PDPR: variants seen among roughly 807,000 people sequenced by gnomAD.
PDPR encodes the protein pyruvate dehydrogenase phosphatase regulatory subunit, also known as pyruvate dehydrogenase phosphatase regulatory subunit, mitochondrial.
Under a neutral mutation model 102.2 loss-of-function variants are expected in PDPR, and 50 were observed. That is an observed-to-expected ratio of 0.49 (90% CI 0.39 to 0.62). The LOEUF is 0.62. PDPR is among the 20% of genes least tolerant of loss of function. The pLI is 0.00. For missense variants in PDPR, 625 were observed against 1,098.2 expected, an observed-to-expected ratio of 0.57 and a Z score of 6.09; for synonymous variants, 259 against 406.0, an observed-to-expected ratio of 0.64 and a Z score of 4.35.
intron 2 of PDPR, among the ~76,000 whole-genome samples, chr16:70,118,112 C>G (rs1323492090): frequency 6.7e-6 from 1 of 149,902 alleles, no homozygotes; most frequent in African/African-American, 2.5e-5. Flanking sequence ...AAAAAAATTG[C>G]TGAGGAAAAG....
chr16:70,120,744 C>T, intron 3 of PDPR, 25 bp downstream of exon 3: 3 of 1,447,292 alleles, frequency 2.1e-6, no homozygotes, highest in Non-Finnish European at 2.9e-6. Flanking sequence ...GCATTTGGCT[C>T]ATGGCTGTGC....
At chr16:70,128,564 G>A (rs1964215915) in intron 4 of PDPR, among the ~76,000 whole-genome samples, 2 of 152,270 alleles carry the variant, frequency 1.3e-5, no homozygotes, top group African/African-American at 4.8e-5. Flanking sequence ...TCACAAAACT[G>A]TGAGCTGAGA....
At chr16:70,117,831 G>A (rs887279897) in intron 2 of PDPR, among the ~76,000 whole-genome samples, 13 of 152,054 alleles carry the variant, frequency 8.5e-5, no homozygotes, top group Non-Finnish European at 1.3e-4. Context: ...GGTGGTTCAC[G>A]CCTATAATCC....
chr16:70,115,599 C>T (rs549973445), intron 2 of PDPR, among the ~76,000 whole-genome samples: 1 of 152,294 alleles, frequency 6.6e-6, no homozygotes, highest in African/African-American at 2.4e-5. Flanking sequence ...TGTGTGAACC[C>T]ACGCTCATCC....
chr16:70,119,912 G>GTTTTTTTTTTT (rs1963046566), intron 2 of PDPR, among the ~76,000 whole-genome samples: 1 of 74,596 alleles, frequency 1.3e-5, no homozygotes, highest in Admixed American at 1.1e-4. Context: ...TTTTTTTTTT[G>GTTTTTTTTTTT]TTTGTTTGTT....
chr16:70,143,555 A>G lies in PDPR; in HGVS notation c.1651A>G (p.Asn551Asp), dbSNP rs1487870767. Residue 551 changes from asparagine to aspartate, a missense_variant, in exon 14 of 19, where the codon AAT (asparagine) becomes GAT (aspartate). By Grantham distance (23) the Asn-to-Asp change is conservative (BLOSUM62 1). Around this residue, in one of 11 missense-constraint regions of PDPR, gnomAD observed 28 missense variants for 141.2 expected, o/e 0.20. Transcript: ENST00000288050. ...ALEVLQYLFS[N>D]DLDVPVGHIV... ...AGAAGTTCTACAGTACCTCTTCTCCAATGACCTGGATGTGCCTGTGGGCCA... is the reference window on the plus strand; with the variant it reads ...AGAAGTTCTACAGTACCTCTTCTCCGATGACCTGGATGTGCCTGTGGGCCA... 1 of 1,613,624 alleles carries G rather than the reference A, an allele frequency of 6.2e-7. No individual in the cohort carries two copies. Among genetic ancestry groups the G allele is most frequent in the South Asian group, 1.1e-5 (1 of 91,068 alleles).
At chr16:70,156,245 A>G in intron 18 of PDPR, 1 of 574,578 alleles carries the variant, frequency 1.7e-6, no homozygotes, top group South Asian at 2.6e-5. Flanking sequence ...TAAAATAGGA[A>G]ACAAAATGCG....
intron 10 of PDPR, 123 bp downstream of exon 10, chr16:70,136,509 T>G (rs1447930604): frequency 1.2e-6 from 1 of 817,320 alleles, no homozygotes; most frequent in African/African-American, 1.7e-5. Context: ...TTAAGACTAA[T>G]AAGAAGATAC....
At chr16:70,122,234 A>T (rs373581447) in intron 3 of PDPR, among the ~76,000 whole-genome samples, 1 of 152,074 alleles carries the variant, frequency 6.6e-6, no homozygotes, top group South Asian at 2.1e-4. Context: ...TGATCTACCC[A>T]CCTTGGCCTC....
intron 17 of PDPR, among the ~76,000 whole-genome samples, chr16:70,149,013 G>A (rs1043133030): frequency 3.3e-5 from 5 of 151,314 alleles, no homozygotes; most frequent in Non-Finnish European, 7.4e-5. Context: ...TCCCACCTCC[G>A]CCTCCCGAGT....
chr16:70,130,702 G>A lies in PDPR; in HGVS notation c.729+158G>A, dbSNP rs546261883. 3.3e-5 allele frequency among the ~76,000 whole-genome samples: 5 copies of A among 152,402 alleles called. No homozygotes were observed. In the South Asian group the frequency reaches 1.0e-3, roughly 32 times the overall value. On this transcript the variant is annotated intron_variant, in intron 7 of 18. Transcript: ENST00000288050. ...TAAATCAGAAACCTACACTTAGTCT[G>A]CAAATAGAAGCCTGTGTGACCTTGT...
intron 3 of PDPR, among the ~76,000 whole-genome samples, chr16:70,124,934 A>T (rs376318126): frequency 8.5e-5 from 13 of 152,400 alleles, no homozygotes; most frequent in East Asian, 7.7e-4. Context: ...TTCTTGACAT[A>T]TGGGTCCCTT....
intron 2 of PDPR, among the ~76,000 whole-genome samples, chr16:70,117,143 A>AT (rs917129864): frequency 1.4e-5 from 2 of 148,140 alleles, no homozygotes; most frequent in African/African-American, 5.0e-5. Flanking sequence ...TATCTACCTC[A>AT]TAAGGTTGTG....
At chr16:70,136,867 C>A (rs547903227) in intron 10 of PDPR, among the ~76,000 whole-genome samples, 31 of 152,322 alleles carry the variant, frequency 2.0e-4, no homozygotes, top group African/African-American at 6.5e-4. Flanking sequence ...CTCAGCCTCC[C>A]GAGTAGCTGG....
At chr16:70,118,896 G>C (rs1165623819) in intron 2 of PDPR, among the ~76,000 whole-genome samples, 1 of 152,012 alleles carries the variant, frequency 6.6e-6, no homozygotes, top group Non-Finnish European at 1.5e-5. Context: ...TTGCAATTCT[G>C]AGAGTCATCT....
chr16:70,157,124 C>T lies in PDPR; in HGVS notation c.*245C>T, dbSNP rs1243690304. ...TCTTCCCTTCCCACCCCTCACTCAG[C>T]TTCTCGTGGTGGCAGGAGGTATGTC... On this transcript the variant is annotated 3_prime_UTR_variant, in exon 19 of 19. Transcript: ENST00000288050. The T allele has an allele frequency of 1.4e-6, 1 of 699,974 alleles. No homozygotes were observed. Among genetic ancestry groups the T allele is most frequent in the Non-Finnish European group, 2.6e-6 (1 of 390,928 alleles). The allele number at this position is 699,974 out of a possible 1,614,324, so 43.4% of individuals were successfully genotyped here.
chr16:70,153,603 C>T, intron 18 of PDPR, 30 bp downstream of exon 18: 4 of 1,560,550 alleles, frequency 2.6e-6, no homozygotes, highest in Non-Finnish European at 3.5e-6. Context: ...TCCACTTTCA[C>T]TCAGCATCCC....
upstream of PDPR, chr16:70,113,735 C>CT (rs1962356775): frequency 7.1e-6 from 1 of 141,830 alleles, no homozygotes; most frequent in Non-Finnish European, 1.6e-5. Context: ...CTGAGCCAAG[C>CT]TGAGAAGCTG....
chr16:70,133,209 G>A (rs563753053), intron 9 of PDPR, among the ~76,000 whole-genome samples: 6 of 146,356 alleles, frequency 4.1e-5, no homozygotes, highest in South Asian at 4.4e-4. Flanking sequence ...CTGCCTCCCC[G>A]GTTCAAGTGA....
Sources: allele counts gnomAD v4.1 joint callset (sites outside exome capture counted in the v4.1 genomes callset), GRCh38; gene constraint gnomAD v4.1.1; regional missense constraint gnomAD v4.1.1; transcripts MANE v1.5; gene names NCBI Gene and HGNC (gene_info 2026-07-23, HGNC 2026-07-21).